The following ENOX1 variants were observed in gnomAD, a reference collection of about 807,000 sequenced individuals.
The protein encoded by ENOX1 is candidate growth-related and time keeping constitutive hydroquinone (NADH) oxidase.
A neutral mutation model predicts 82.5 loss-of-function variants in ENOX1; 42 were observed. That is an observed-to-expected ratio of 0.51 (90% confidence interval 0.40 to 0.66). The LOEUF (loss-of-function observed/expected upper bound fraction) is 0.66, where lower values mean the gene tolerates loss of function less well. ENOX1 is among the 30% of genes least tolerant of loss of function. The probability of loss-of-function intolerance (pLI) is 0.00; values close to 1 mark genes in which losing one functional copy is unlikely to be tolerated. For missense variants in ENOX1, 608 were observed against 811.6 expected (o/e 0.75, Z 3.05); for synonymous variants, 271 against 282.2 (o/e 0.96, Z 0.40).
intron 5 of ENOX1, among the ~76,000 whole-genome samples, chr13:43,399,403 T>C (rs1183721994): frequency 6.6e-6 from 1 of 152,132 alleles, no homozygotes; most frequent in African/African-American, 2.4e-5. Context: ...CAGAGAATGG[T>C]TGTCACTTCT....
At chr13:43,622,857 G>A (rs191425186) in intron 2 of ENOX1, among the ~76,000 whole-genome samples, 2 of 152,206 alleles carry the variant, frequency 1.3e-5, no homozygotes, top group African/African-American at 4.8e-5. Context: ...CTACTAGGGT[G>A]GGTAGGGAAG....
intron 2 of ENOX1, among the ~76,000 whole-genome samples, chr13:43,561,817 C>T (rs998288061): frequency 6.6e-6 from 1 of 151,824 alleles, no homozygotes; most frequent in Admixed American, 6.6e-5. Flanking sequence ...CCCGTCTCTA[C>T]AAAAATACAA....
chr13:43,389,733 C>G (rs1199754458), intron 5 of ENOX1, among the ~76,000 whole-genome samples: 1 of 152,104 alleles, frequency 6.6e-6, no homozygotes, highest in East Asian at 1.9e-4. Context: ...AGTTCATATG[C>G]CTGAAAAATC....
chr13:43,677,496 T>C (rs1234344475), intron 1 of ENOX1, among the ~76,000 whole-genome samples: 2 of 152,158 alleles, frequency 1.3e-5, no homozygotes, highest in African/African-American at 4.8e-5. Flanking sequence ...CCCTCAAAAA[T>C]AGGACAAATA....
In ENOX1 at chr13:43,314,477, C is replaced by T. The variant is rs752726391; in HGVS notation, c.1261+7907G>A. Among the ~76,000 whole-genome samples, 57 of 152,334 alleles carry T rather than the reference C, an allele frequency of 3.7e-4. 1 individual carries two copies. The highest frequency in any genetic ancestry group is 1.1e-3 in the African/African-American group (45 of 41,578). ...CTAGCATCTTCAAGTCTTCGATTAA[C>T]GAAGCTCATGTGCAACAGTGTTAGG... On this transcript the variant is annotated intron_variant, in intron 11 of 16. Coordinates refer to ENST00000690772, the MANE Select transcript of ENOX1 (RefSeq NM_001347969.2).
At chr13:43,307,799 A>G (rs1354942932) in intron 11 of ENOX1, among the ~76,000 whole-genome samples, 1 of 152,200 alleles carries the variant, frequency 6.6e-6, no homozygotes, top group African/African-American at 2.4e-5. Context: ...GTTGTTGTGC[A>G]TTACTTTTCT....
intron 2 of ENOX1, among the ~76,000 whole-genome samples, chr13:43,540,695 C>T (rs1392667996): frequency 1.3e-5 from 2 of 152,118 alleles, no homozygotes; most frequent in Non-Finnish European, 2.9e-5. Flanking sequence ...ATGCACTTCC[C>T]AGTATGTAGT....
chr13:43,544,841 G>A (rs143529828), intron 2 of ENOX1: 32 of 152,174 alleles, frequency 2.1e-4, no homozygotes, highest in African/African-American at 7.5e-4. Context: ...AAGACAAGCA[G>A]AACATTTAGG....
At chr13:43,621,133 C>T (rs558071859) in intron 2 of ENOX1, among the ~76,000 whole-genome samples, 1 of 152,162 alleles carries the variant, frequency 6.6e-6, no homozygotes, top group South Asian at 2.1e-4. Flanking sequence ...TTATGTGAGT[C>T]CTTATGTGCG....
chr13:43,294,841 A>G (rs2046202270), intron 12 of ENOX1, among the ~76,000 whole-genome samples: 1 of 152,204 alleles, frequency 6.6e-6, no homozygotes, highest in African/African-American at 2.4e-5. Context: ...TCAGTCTTAG[A>G]TTCATTATGC....
At chr13:43,427,924 A>G (rs1156502761) in intron 3 of ENOX1, among the ~76,000 whole-genome samples, 2 of 152,226 alleles carry the variant, frequency 1.3e-5, no homozygotes, top group Non-Finnish European at 2.9e-5. Flanking sequence ...AAACAAAAAA[A>G]GTTGGCTGAA....
At chr13:43,411,672 G>T (rs1339772849) in intron 5 of ENOX1, among the ~76,000 whole-genome samples, 1 of 152,274 alleles carries the variant, frequency 6.6e-6, no homozygotes, top group South Asian at 2.1e-4. Context: ...TTTAAAAAAC[G>T]CAATTGATGT....
intron 1 of ENOX1, among the ~76,000 whole-genome samples, chr13:43,721,447 C>G (rs866636169): frequency 0.016 from 1,993 of 127,276 alleles, 48 homozygotes; most frequent in African/African-American, 0.055. Flanking sequence ...GGCGGGATCT[C>G]GGCTCACTGC....
At chr13:43,592,457 T>C (rs77227174) in intron 2 of ENOX1, among the ~76,000 whole-genome samples, 16 of 152,316 alleles carry the variant, frequency 1.1e-4, no homozygotes, top group Admixed American at 3.3e-4. Context: ...TTTTTTTAAG[T>C]AAAAACAAGT....
intron 2 of ENOX1, among the ~76,000 whole-genome samples, chr13:43,642,851 C>A (rs560948723): frequency 1.3e-5 from 2 of 152,172 alleles, no homozygotes; most frequent in African/African-American, 4.8e-5. Flanking sequence ...ACTTCCTTCA[C>A]GTAAGCTGAT....
chr13:43,748,224 A>G (rs1054960361), intron 1 of ENOX1, among the ~76,000 whole-genome samples: 9 of 152,170 alleles, frequency 5.9e-5, no homozygotes, highest in Non-Finnish European at 1.0e-4. Flanking sequence ...TTTTACTCTG[A>G]GAAACAGTCC....
chr13:43,631,736 A>G (rs905496354), intron 2 of ENOX1, among the ~76,000 whole-genome samples: 1 of 152,130 alleles, frequency 6.6e-6, no homozygotes, highest in African/African-American at 2.4e-5. Context: ...CTTTGGCTAA[A>G]ATTTAGGCAC....
At chr13:43,269,659 A>G (rs2044576826) in intron 12 of ENOX1, 82 bp from the exon 13 acceptor site, 6 of 1,083,168 alleles carry the variant, frequency 5.5e-6, no homozygotes, top group Admixed American at 1.7e-5. Flanking sequence ...ATTCAAAATT[A>G]TGAGTAGAAG....
At chr13:43,320,348 C>T (rs566867330) in intron 11 of ENOX1, among the ~76,000 whole-genome samples, 2 of 152,308 alleles carry the variant, frequency 1.3e-5, no homozygotes, top group Non-Finnish European at 2.9e-5. Flanking sequence ...ACATGCCCTG[C>T]ACTTTGCTCA....
Sources: gnomAD v4.1 joint callset for allele counts (sites outside exome capture counted in the v4.1 genomes callset) on GRCh38, gnomAD v4.1.1 for gene constraint, MANE v1.5 for transcripts, NCBI Gene and HGNC (gene_info 2026-07-23, HGNC 2026-07-21) for gene names.